PCDH17: variants seen among roughly 807,000 people sequenced by gnomAD.
The protein encoded by PCDH17 is protocadherin-17.
Under a neutral mutation model 67.7 loss-of-function variants are expected in PCDH17, and 21 were observed. The observed-to-expected ratio is 0.31, with a 90% CI of 0.22 to 0.45. The LOEUF (loss-of-function observed/expected upper bound fraction) is 0.45, where lower values mean the gene tolerates loss of function less well. PCDH17 is among the 20% of genes least tolerant of loss of function. PCDH17 has a pLI of 1.00. For synonymous variants in PCDH17, 701 were observed against 656.7 expected (o/e 1.07, Z -1.03); for missense variants, 1,471 against 1,564.8 (o/e 0.94, Z 1.01).
Position 57,633,917 on chromosome 13 carries a change from G to T in PCDH17, c.1371G>T (p.Ser457=), listed in dbSNP as rs1026845535. Reference sequence around the variant, plus strand: ...CTCCTCCCCTCAACTCCACCAAGTCGTTCGCGATCAAGATTCTAGACGAGA... The same window carrying T: ...CTCCTCCCCTCAACTCCACCAAGTCTTTCGCGATCAAGATTCTAGACGAGA... ...GGSPPLNSTK[S]FAIKILDEND... Residue 457 remains serine, a synonymous_variant, in exon 1 of 4, where the codon TCG becomes TCT. Transcript: ENST00000377918. This position sits in a 1 kb window ranked among gnomAD's most constrained non-coding sequence, Gnocchi z 6.2. The T allele has an allele frequency of 6.2e-7, 1 of 1,613,254 alleles. No individual in the cohort carries two copies. Among genetic ancestry groups the T allele is most frequent in the African/African-American group, 1.3e-5 (1 of 74,934 alleles).
intron 3 of PCDH17, among the ~76,000 whole-genome samples, chr13:57,669,951 G>A (rs1342307708): frequency 6.6e-6 from 1 of 152,018 alleles, no homozygotes; most frequent in African/African-American, 2.4e-5. Flanking sequence ...ATTTTGTTCA[G>A]TACCTGAAAC....
chr13:57,684,947 A>C lies in PCDH17; in HGVS notation c.2797+18114A>C, dbSNP rs568192246. Among the ~76,000 whole-genome samples, 3 of 152,054 alleles carry C rather than the reference A, an allele frequency of 2.0e-5. No homozygotes were observed. In the South Asian group the frequency reaches 6.2e-4, roughly 31 times the overall value. On this transcript the variant is annotated intron_variant, in intron 3 of 3. Coordinates refer to ENST00000377918, the MANE Select transcript of PCDH17 (RefSeq NM_001040429.3). ...TTCTGATATCAGTTCAATAATGTCA[A>C]ACTACTCAAATTCAGCTAATAATAC...
chr13:57,689,246 G>T (rs1013441003), intron 3 of PCDH17, among the ~76,000 whole-genome samples: 1 of 151,962 alleles, frequency 6.6e-6, no homozygotes, highest in Admixed American at 6.6e-5. Flanking sequence ...AACATATGAA[G>T]GTAATGAAGA....
chr13:57,640,493 T>C (rs1361106385), intron 1 of PCDH17, among the ~76,000 whole-genome samples: 1 of 152,070 alleles, frequency 6.6e-6, no homozygotes, highest in African/African-American at 2.4e-5. Flanking sequence ...AAGTATTTCT[T>C]CTCTAAGGAA....
chr13:57,648,803 T>C (rs1213456716), intron 1 of PCDH17, among the ~76,000 whole-genome samples: 1 of 152,054 alleles, frequency 6.6e-6, no homozygotes, highest in Non-Finnish European at 1.5e-5. Flanking sequence ...AAAAAATTAA[T>C]GAAACTATTT....
At position 57,633,491 on chromosome 13, in the gene PCDH17, G is replaced by T. The variant is rs113081370; in HGVS notation, c.945G>T (p.Gly315=). ...VKGNLDYEEN[G]MLEIDVQARD... ...GCAATCTGGACTATGAGGAAAACGG[G>T]ATGCTGGAGATTGACGTGCAGGCCC... The change falls in exon 1 of 4, where the codon GGG becomes GGT. Residue 315 remains glycine, a synonymous_variant. Transcript: ENST00000377918. This position sits in a 1 kb window ranked among gnomAD's most constrained non-coding sequence, Gnocchi z 6.2. The T allele has an allele frequency of 6.2e-7, 1 of 1,613,910 alleles. No individual in the cohort carries two copies.
chr13:57,717,079 A>G (rs1205421933), intron 3 of PCDH17, among the ~76,000 whole-genome samples: 1 of 151,908 alleles, frequency 6.6e-6, no homozygotes, highest in African/African-American at 2.4e-5. Flanking sequence ...TGGTGGTATA[A>G]TATTGAGCTT....
rs947886866 is a variant in PCDH17 at position 57,726,146 on chromosome 13, T to C, written c.*852T>C. ...GAAAAGTTCTAAAAAATAGTTACCA[T>C]TGAGTGGTAAGATTCAGAGAAAATT... On this transcript the variant is annotated 3_prime_UTR_variant, in exon 4 of 4. Coordinates refer to ENST00000377918, the MANE Select transcript of PCDH17 (RefSeq NM_001040429.3). 1 of 152,632 alleles carries C rather than the reference T, an allele frequency of 6.6e-6. No homozygotes were observed. The highest frequency in any genetic ancestry group is 2.4e-5 in the African/African-American group (1 of 41,454). The allele number at this position is 152,632 out of a possible 1,614,324, so 9.5% of individuals were successfully genotyped here.
At position 57,634,954 on chromosome 13, in the gene PCDH17, G is replaced by A. The variant is rs1485046020; in HGVS notation, c.2408G>A (p.Arg803His). ...TSPMYFDYQT[R>H]LPLSSPRSEV... ...CCCATGTACTTCGACTACCAGACCCGCCTGCCCCTCAGCTCGCCCCGGTCG... is the reference window on the plus strand; with the variant it reads ...CCCATGTACTTCGACTACCAGACCCACCTGCCCCTCAGCTCGCCCCGGTCG... Residue 803 changes from arginine (R) to histidine (H), a missense_variant, in exon 1 of 4, where the codon CGC (arginine) becomes CAC (histidine). Around this residue, in one of 3 missense-constraint regions of PCDH17, gnomAD observed 1,163 missense variants for 1,230.0 expected, o/e 0.95. Coordinates refer to ENST00000377918, the MANE Select transcript of PCDH17 (RefSeq NM_001040429.3). The surrounding 1 kb of genome is among the most constrained non-coding windows in gnomAD (Gnocchi z 7.8). 3 of 1,613,772 alleles carry A rather than the reference G, an allele frequency of 1.9e-6. No homozygotes were observed. The highest frequency in any genetic ancestry group is 2.5e-6 in the Non-Finnish European group (3 of 1,179,948).
At chr13:57,665,474 G>GA (rs1955240273) in intron 1 of PCDH17, among the ~76,000 whole-genome samples, 1 of 152,090 alleles carries the variant, frequency 6.6e-6, no homozygotes, top group Non-Finnish European at 1.5e-5. Context: ...TCTGTTTCAT[G>GA]AATTGCATGA....
chr13:57,639,630 G>A (rs938368243), intron 1 of PCDH17, among the ~76,000 whole-genome samples: 1 of 151,738 alleles, frequency 6.6e-6, no homozygotes, highest in African/African-American at 2.4e-5. Context: ...TTCTTGTATT[G>A]AGATTATAAT....
intron 3 of PCDH17, among the ~76,000 whole-genome samples, chr13:57,704,486 A>G (rs1955698692): frequency 4.0e-5 from 6 of 151,858 alleles, no homozygotes; most frequent in Admixed American, 3.9e-4. Flanking sequence ...AATGATTGAT[A>G]GATAAATATT....
chr13:57,716,957 G>A (rs1955822357), intron 3 of PCDH17, among the ~76,000 whole-genome samples: 1 of 151,892 alleles, frequency 6.6e-6, no homozygotes, highest in Non-Finnish European at 1.5e-5. Context: ...CACATCTAAT[G>A]TGCCCACAAA....
intron 3 of PCDH17, among the ~76,000 whole-genome samples, chr13:57,688,731 T>G (rs1409159972): frequency 1.3e-5 from 2 of 152,070 alleles, no homozygotes. Flanking sequence ...TCAGTTGCAG[T>G]ATTGACTCAG....
chr13:57,632,180 C>G lies in PCDH17; in HGVS notation c.-367C>G. ...TTAGCTCATTATCATCTCTCCCAGACGAGATTTCCTTCTTATCGCCTGCCT... is the reference window on the plus strand; with the variant it reads ...TTAGCTCATTATCATCTCTCCCAGAGGAGATTTCCTTCTTATCGCCTGCCT... On this transcript the variant is annotated 5_prime_UTR_variant, in exon 1 of 4. Transcript: ENST00000377918. 1 of 322,550 alleles carries G rather than the reference C, an allele frequency of 3.1e-6. No homozygotes were observed. The highest frequency in any genetic ancestry group is 3.6e-5 in the South Asian group (1 of 27,842). 20.0% of individuals were successfully genotyped at this position (322,550 alleles called of 1,614,324 possible).
intron 1 of PCDH17, among the ~76,000 whole-genome samples, chr13:57,665,335 T>C (rs981039902): frequency 6.6e-6 from 1 of 152,090 alleles, no homozygotes; most frequent in African/African-American, 2.4e-5. Context: ...CTTTTTTCAG[T>C]AATCGCTCAC....
At chr13:57,705,355 G>A (rs1443096452) in intron 3 of PCDH17, among the ~76,000 whole-genome samples, 1 of 151,952 alleles carries the variant, frequency 6.6e-6, no homozygotes, top group Admixed American at 6.6e-5. Flanking sequence ...TTCTAGAAAA[G>A]TAGGAAAATT....
intron 1 of PCDH17, among the ~76,000 whole-genome samples, chr13:57,642,957 C>G (rs1257210645): frequency 6.6e-6 from 1 of 151,534 alleles, no homozygotes; most frequent in East Asian, 1.9e-4. Context: ...GTAGTTTTCA[C>G]CCTTAATCTA....
intron 3 of PCDH17, among the ~76,000 whole-genome samples, chr13:57,685,307 G>A (rs1316072534): frequency 6.6e-6 from 1 of 151,788 alleles, no homozygotes; most frequent in East Asian, 1.9e-4. Flanking sequence ...AATCTATATA[G>A]CAATAATAAT....
Sources: gnomAD v4.1 joint callset for allele counts (sites outside exome capture counted in the v4.1 genomes callset) on GRCh38, gnomAD v4.1.1 for gene constraint, gnomAD v4.1.1 regional missense constraint, Gnocchi (gnomAD v3.1) non-coding constraint, MANE v1.5 for transcripts, NCBI Gene and HGNC (gene_info 2026-07-23, HGNC 2026-07-21) for gene names.